PPP2R2A: variants seen among roughly 807,000 people sequenced by gnomAD.
The protein encoded by PPP2R2A is protein phosphatase 2 regulatory subunit Balpha, also known as serine/threonine-protein phosphatase 2A 55 kDa regulatory subunit B alpha isoform.
In PPP2R2A, 9 loss-of-function variants were observed where a neutral mutation model predicts 53.2. The ratio of observed to expected loss-of-function variants is 0.17; its 90% CI spans 0.10 to 0.30. PPP2R2A has a LOEUF of 0.30. Ranked by LOEUF, PPP2R2A falls within the 10% of genes least tolerant of loss-of-function variation. The pLI, the probability that PPP2R2A is intolerant of heterozygous loss-of-function variation, is 1.00. For missense variants in PPP2R2A, 235 were observed against 534.6 expected (o/e 0.44, Z 5.53); for synonymous variants, 169 against 174.2 (o/e 0.97, Z 0.23).
At position 26,370,295 on chromosome 8, in the gene PPP2R2A, G is replaced by C; in HGVS notation, c.1226G>C (p.Ser409Thr). ...GGCAAGCGAAAGAAAGATGAAATAA[G>C]TGTTGACAGCCTAGACTTCAATAAG... ...ASGKRKKDEISVDSLDFNKKI... is the reference protein window; with the variant it reads ...ASGKRKKDEITVDSLDFNKKI... The change falls in exon 10 of 10, where the codon AGT becomes ACT. Residue 409 changes from serine to threonine, a missense_variant. By Grantham distance (58) the Ser-to-Thr change is moderately conservative (BLOSUM62 1). This residue lies in a region of PPP2R2A where 181 missense variants were observed against 409.9 expected (regional missense o/e 0.44). Coordinates refer to ENST00000380737, the MANE Select transcript of PPP2R2A (RefSeq NM_002717.4). This position sits in a 1 kb window ranked among gnomAD's most constrained non-coding sequence, Gnocchi z 6.1. 1 of 1,614,182 alleles carries C rather than the reference G, an allele frequency of 6.2e-7. No homozygotes were observed. The highest frequency in any genetic ancestry group is 8.5e-7 in the Non-Finnish European group (1 of 1,180,012).
Position 26,291,781 on chromosome 8 carries a change from C to A in PPP2R2A, c.-39C>A, listed in dbSNP as rs766193257. On this transcript the variant is annotated 5_prime_UTR_variant, in exon 1 of 10. Transcript: ENST00000380737. ...GGGGGGTGAGTTCAGGAAGCGGAGACCCCGAGGAACCCAGCAGGGTCACCA... is the reference window on the plus strand; with the variant it reads ...GGGGGGTGAGTTCAGGAAGCGGAGAACCCGAGGAACCCAGCAGGGTCACCA... 6.3e-7 allele frequency: 1 copy of A among 1,594,610 alleles called. No individual in the cohort carries two copies. Among genetic ancestry groups the A allele is most frequent in the Non-Finnish European group, 8.5e-7 (1 of 1,171,684 alleles).
intron 1 of PPP2R2A, chr8:26,293,400 A>G: frequency 2.3e-6 from 2 of 870,156 alleles, no homozygotes; most frequent in South Asian, 3.3e-5. Flanking sequence ...CTTTTACTGT[A>G]TTTGACAGGA....
chr8:26,358,012 A>G (rs1049202485), intron 4 of PPP2R2A, among the ~76,000 whole-genome samples: 1 of 152,034 alleles, frequency 6.6e-6, no homozygotes, highest in African/African-American at 2.4e-5. Flanking sequence ...GAACATAAGG[A>G]TTCTGATTTT....
At chr8:26,346,285 C>T (rs1310419194) in intron 3 of PPP2R2A, among the ~76,000 whole-genome samples, 1 of 152,012 alleles carries the variant, frequency 6.6e-6, no homozygotes, top group Non-Finnish European at 1.5e-5. Context: ...GGATTACAGA[C>T]GTGCACCACC....
At chr8:26,337,264 C>G (rs1754900156) in intron 2 of PPP2R2A, among the ~76,000 whole-genome samples, 1 of 152,142 alleles carries the variant, frequency 6.6e-6, no homozygotes, top group East Asian at 1.9e-4. Flanking sequence ...TAAAAAAAAC[C>G]CAGCAAATTA....
chr8:26,297,208 C>T (rs1362113121), intron 2 of PPP2R2A, among the ~76,000 whole-genome samples: 1 of 152,188 alleles, frequency 6.6e-6, no homozygotes, highest in Non-Finnish European at 1.5e-5. Flanking sequence ...CTCCCGGGTT[C>T]AAGTGATTCT....
At chr8:26,313,119 C>A (rs1296269848) in intron 2 of PPP2R2A, among the ~76,000 whole-genome samples, 2 of 151,556 alleles carry the variant, frequency 1.3e-5, no homozygotes, top group Non-Finnish European at 2.9e-5. Flanking sequence ...CTGCAGCCTC[C>A]ACCTCTTGGA....
At chr8:26,342,605 A>G (rs1380913323) in intron 3 of PPP2R2A, among the ~76,000 whole-genome samples, 1 of 152,154 alleles carries the variant, frequency 6.6e-6, no homozygotes, top group Non-Finnish European at 1.5e-5. Flanking sequence ...TTAAAGGGAC[A>G]GCTAAGACAG....
rs1372264517 is a variant in PPP2R2A at position 26,371,204 on chromosome 8, A to G, written c.*791A>G. 4 of 152,304 alleles carry G rather than the reference A, an allele frequency of 2.6e-5. No homozygotes were observed. In the East Asian group the frequency reaches 7.7e-4, roughly 29 times the overall value. The allele number at this position is 152,304 out of a possible 1,614,324, so 9.4% of individuals were successfully genotyped here. A position where few individuals can be genotyped will look rare whatever the true frequency, so the allele number is the denominator to read the frequency against. The stretch of plus-strand genomic sequence containing the variant: ...TTGTGTCATACCTTTGGGCACAGTG[A>G]AACAAAATGGGTTTTCATTGTTTAT... On this transcript the variant is annotated 3_prime_UTR_variant, in exon 10 of 10. Coordinates refer to ENST00000380737, the MANE Select transcript of PPP2R2A (RefSeq NM_002717.4).
chr8:26,366,664 C>G (rs1805395413), intron 9 of PPP2R2A, among the ~76,000 whole-genome samples: 1 of 152,062 alleles, frequency 6.6e-6, no homozygotes, highest in Admixed American at 6.5e-5. Context: ...ACATTTCTGA[C>G]ATGCTAACCA....
At chr8:26,309,631 A>T (rs1370589255) in intron 2 of PPP2R2A, among the ~76,000 whole-genome samples, 1 of 152,152 alleles carries the variant, frequency 6.6e-6, no homozygotes, top group African/African-American at 2.4e-5. Context: ...TTGACTTTGA[A>T]AATCTGTTGT....
chr8:26,294,614 G>A (rs1801462165), intron 2 of PPP2R2A, among the ~76,000 whole-genome samples: 1 of 152,168 alleles, frequency 6.6e-6, no homozygotes. Flanking sequence ...ATTTAAACAT[G>A]TACTTGTGAG....
At chr8:26,345,903 T>A (rs1804188914) in intron 3 of PPP2R2A, among the ~76,000 whole-genome samples, 1 of 152,202 alleles carries the variant, frequency 6.6e-6, no homozygotes, top group Admixed American at 6.5e-5. Flanking sequence ...CGGCATCAGC[T>A]CTTTTTCTCA....
chr8:26,291,577 G>T lies in PPP2R2A; in HGVS notation c.-243G>T, dbSNP rs1418137369. 3.5e-5 allele frequency: 19 copies of T among 548,762 alleles called. No individual in the cohort carries two copies. Among genetic ancestry groups the T allele is most frequent in the Non-Finnish European group, 5.8e-5 (18 of 310,610 alleles). The allele number at this position is 548,762 out of a possible 1,614,324, so 34.0% of individuals were successfully genotyped here. Reference sequence around the variant, plus strand: ...CGCTGCCGCCGCCGCCGTCGCTGTCGTAGTCGCCGCCGCCGCTGCCGGAGA... The same window carrying T: ...CGCTGCCGCCGCCGCCGTCGCTGTCTTAGTCGCCGCCGCCGCTGCCGGAGA... On this transcript the variant is annotated 5_prime_UTR_variant, in exon 1 of 10. Transcript: ENST00000380737.
chr8:26,342,636 A>ACAACCT (rs1804000610), intron 3 of PPP2R2A, among the ~76,000 whole-genome samples: 3 of 151,890 alleles, frequency 2.0e-5, no homozygotes, highest in African/African-American at 7.3e-5. Flanking sequence ...GGGAGGTTGT[A>ACAACCT]CCTCTTTCCA....
intron 3 of PPP2R2A, among the ~76,000 whole-genome samples, chr8:26,342,467 G>C (rs924235434): frequency 1.3e-5 from 2 of 152,178 alleles, no homozygotes; most frequent in African/African-American, 4.8e-5. Flanking sequence ...TTCCATGGGT[G>C]CTCAAATTAG....
intron 9 of PPP2R2A, among the ~76,000 whole-genome samples, chr8:26,369,062 C>T (rs1321347655): frequency 1.3e-5 from 2 of 149,930 alleles, no homozygotes; most frequent in Admixed American, 6.6e-5. Context: ...GAGCCGAGAT[C>T]GCACCACTGC....
Position 26,372,576 on chromosome 8 carries a change from T to C in PPP2R2A, c.*2163T>C, listed in dbSNP as rs1311512601. The C allele has an allele frequency of 6.6e-6, 1 of 152,222 alleles. No individual in the cohort carries two copies. Among genetic ancestry groups the C allele is most frequent in the Non-Finnish European group, 1.5e-5 (1 of 68,044 alleles). 9.4% of individuals were successfully genotyped at this position (152,222 alleles called of 1,614,324 possible). A position where few individuals can be genotyped will look rare whatever the true frequency, so the allele number is the denominator to read the frequency against. On this transcript the variant is annotated 3_prime_UTR_variant, in exon 10 of 10. Coordinates refer to ENST00000380737, the MANE Select transcript of PPP2R2A (RefSeq NM_002717.4). The stretch of plus-strand genomic sequence containing the variant: ...ATAAATTATTGTTAACATTCTCAAG[T>C]ATTAATTTTTTAATTTCATTGGTGT...
chr8:26,314,907 T>G (rs1802472844), intron 2 of PPP2R2A, among the ~76,000 whole-genome samples: 1 of 91,430 alleles, frequency 1.1e-5, no homozygotes, highest in Non-Finnish European at 2.2e-5. Flanking sequence ...CCCCCCCAAC[T>G]ATTTTCCATT....
Sources: allele counts gnomAD v4.1 joint callset (sites outside exome capture counted in the v4.1 genomes callset), GRCh38; gene constraint gnomAD v4.1.1; regional missense constraint gnomAD v4.1.1; non-coding constraint Gnocchi (gnomAD v3.1); transcripts MANE v1.5; gene names NCBI Gene and HGNC (gene_info 2026-07-23, HGNC 2026-07-21).